DNASE2B: variants seen among roughly 807,000 people sequenced by gnomAD.
The protein encoded by DNASE2B is deoxyribonuclease-2-beta.
DNASE2B carries 43 observed loss-of-function variants against 46.0 expected under a neutral mutation model. That is an observed-to-expected ratio of 0.94 (90% CI 0.73 to 1.21). DNASE2B has a LOEUF of 1.21. DNASE2B is among the 50% of genes most tolerant of loss of function. The probability of loss-of-function intolerance (pLI) is 0.00; values close to 1 mark genes in which losing one functional copy is unlikely to be tolerated. For synonymous variants in DNASE2B, 156 were observed against 152.5 expected (o/e 1.02, Z -0.17); for missense variants, 395 against 414.4 (o/e 0.95, Z 0.41).
intron 3 of DNASE2B, among the ~76,000 whole-genome samples, chr1:84,409,795 T>C (rs1332553943): frequency 6.6e-6 from 1 of 152,212 alleles, no homozygotes; most frequent in African/African-American, 2.4e-5. Context: ...GGGGTTCTCT[T>C]GGCCAACAGA....
intron 2 of DNASE2B, among the ~76,000 whole-genome samples, chr1:84,404,549 G>T (rs1312610223): frequency 6.6e-6 from 1 of 152,122 alleles, no homozygotes; most frequent in Admixed American, 6.5e-5. Flanking sequence ...GAGTCTTAAA[G>T]GTTCTTATGA....
chr1:84,409,787 G>T (rs1680557368), intron 3 of DNASE2B, among the ~76,000 whole-genome samples: 1 of 152,126 alleles, frequency 6.6e-6, no homozygotes, highest in African/African-American at 2.4e-5. Flanking sequence ...CAAGTGGAGG[G>T]GTTCTCTTGG....
chr1:84,406,911 A>T (rs1030879164), intron 2 of DNASE2B, among the ~76,000 whole-genome samples: 1 of 152,230 alleles, frequency 6.6e-6, no homozygotes, highest in Non-Finnish European at 1.5e-5. Flanking sequence ...TTTACAAATA[A>T]GAATCTTCCG....
chr1:84,412,190 T>C (rs1680609756), intron 4 of DNASE2B, among the ~76,000 whole-genome samples, 159 bp from the exon 5 acceptor site: 1 of 152,238 alleles, frequency 6.6e-6, no homozygotes, highest in Non-Finnish European at 1.5e-5. Flanking sequence ...GTGTTAGTTA[T>C]TTAAACAAAA....
intron 2 of DNASE2B, among the ~76,000 whole-genome samples, chr1:84,408,033 T>C (rs557823282): frequency 1.1e-4 from 16 of 152,260 alleles, no homozygotes; most frequent in Admixed American, 5.9e-4. Flanking sequence ...GTGCCTATAA[T>C]ATCAATGGAA....
In DNASE2B at chr1:84,412,398, A is replaced by T. The variant is rs763309135; in HGVS notation, c.597A>T (p.Pro199=). 6.2e-7 allele frequency: 1 copy of T among 1,612,338 alleles called. No homozygotes were observed. The highest frequency in any genetic ancestry group is 2.2e-5 in the East Asian group (1 of 44,808). The change falls in exon 5 of 6, where the codon CCA becomes CCT. Residue 199 remains proline (P), a synonymous_variant. Coordinates refer to ENST00000370665, the MANE Select transcript of DNASE2B (RefSeq NM_021233.3). ...CCAACGTCTATAGCTGCTCCATCCC[A>T]GCCACCTTTCACCAGGAGCTCATTC... ...CNPNVYSCSI[P]ATFHQELIHM... is the part of the protein sequence containing the mutation.
intron 2 of DNASE2B, chr1:84,408,234 C>T (rs1680525464): frequency 1.4e-6 from 1 of 714,878 alleles, no homozygotes; most frequent in South Asian, 3.8e-5. Context: ...AAAAATCATG[C>T]ACAGTTAAAA....
At chr1:84,407,228 C>T (rs1680506505) in intron 2 of DNASE2B, among the ~76,000 whole-genome samples, 1 of 152,090 alleles carries the variant, frequency 6.6e-6, no homozygotes, top group Non-Finnish European at 1.5e-5. Context: ...AAATAAATTC[C>T]TCACTGGATC....
chr1:84,406,936 C>T (rs1469490478), intron 2 of DNASE2B, among the ~76,000 whole-genome samples: 4 of 152,192 alleles, frequency 2.6e-5, no homozygotes, highest in Non-Finnish European at 4.4e-5. Context: ...CCTTCATAAA[C>T]ATTTATCAAA....
intron 1 of DNASE2B, among the ~76,000 whole-genome samples, chr1:84,399,095 C>T (rs962982438): frequency 1.3e-5 from 2 of 152,208 alleles, no homozygotes; most frequent in Admixed American, 6.5e-5. Context: ...GGAGCATGTG[C>T]TGCTCCTTAT....
intron 1 of DNASE2B, among the ~76,000 whole-genome samples, 160 bp from the exon 2 acceptor site, chr1:84,401,741 G>T (rs544777058): frequency 6.6e-6 from 1 of 152,316 alleles, no homozygotes; most frequent in Admixed American, 6.5e-5. Context: ...GAGGAGCAAA[G>T]ATAAGAGTGA....
intron 2 of DNASE2B, among the ~76,000 whole-genome samples, chr1:84,403,822 C>T (rs972944082): frequency 6.6e-6 from 1 of 151,768 alleles, no homozygotes; most frequent in African/African-American, 2.4e-5. Context: ...GGATCTCATT[C>T]GACACCCAGG....
Position 84,411,016 on chromosome 1 carries a change from T to A in DNASE2B, c.547+17T>A. 1.3e-6 allele frequency: 2 copies of A among 1,546,840 alleles called. No individual in the cohort carries two copies. The highest frequency in any genetic ancestry group is 4.0e-5 in the Admixed American group (2 of 49,982). On this transcript the variant is annotated intron_variant, in intron 4 of 5. Transcript: ENST00000370665. Reference sequence around the variant, plus strand: ...AGGCAATAGGTAAAACTAAAGTATGTGAGAAAAAAAACGATAACTATGTTG... The same window carrying A: ...AGGCAATAGGTAAAACTAAAGTATGAGAGAAAAAAAACGATAACTATGTTG...
At chr1:84,406,240 A>G (rs507772) in intron 2 of DNASE2B, among the ~76,000 whole-genome samples, 80,618 of 151,930 alleles carry the variant, frequency 0.53, 21,427 homozygotes, top group East Asian at 0.61. Context: ...TGGGGACCAG[A>G]AGCATATCTA....
Position 84,414,686 on chromosome 1 carries a change from T to G in DNASE2B, c.904T>G (p.Tyr302Asp). 1 of 1,614,178 alleles carries G rather than the reference T, an allele frequency of 6.2e-7. No homozygotes were observed. The highest frequency in any genetic ancestry group is 8.5e-7 in the Non-Finnish European group (1 of 1,180,032). ...KLSRHSYFSS[Y>D]QDHAKWCISQ... ...ATCACGACACTCTTATTTCAGTTCTTATCAAGATCATGCCAAGTGGTGTAT... is the reference window on the plus strand; with the variant it reads ...ATCACGACACTCTTATTTCAGTTCTGATCAAGATCATGCCAAGTGGTGTAT... Residue 302 changes from tyrosine (Y) to aspartate (D), a missense_variant, in exon 6 of 6, where the codon TAT becomes GAT. Tyr to Asp is a radical substitution (Grantham distance 160). Transcript: ENST00000370665.
At position 84,409,103 on chromosome 1, in the gene DNASE2B, C is replaced by T. The variant is rs983972416; in HGVS notation, c.385+585C>T. On this transcript the variant is annotated intron_variant, in intron 3 of 5. Coordinates refer to ENST00000370665, the MANE Select transcript of DNASE2B (RefSeq NM_021233.3). ...ACTTTGCATATGTGTTTGTGAACTA[C>T]AGAAAAATTCAAAATACAGGTAAAC... 3.3e-5 allele frequency among the ~76,000 whole-genome samples: 5 copies of T among 151,974 alleles called. No homozygotes were observed. In the South Asian group the frequency reaches 1.0e-3, roughly 32 times the overall value.
At chr1:84,412,208 T>C in intron 4 of DNASE2B, 141 bp from the exon 5 acceptor site, 1 of 704,514 alleles carries the variant, frequency 1.4e-6, no homozygotes, top group Non-Finnish European at 2.1e-6. Flanking sequence ...AAAAGTTATT[T>C]GAAGGCTATT....
chr1:84,409,423 T>C (rs1304924291), intron 3 of DNASE2B, among the ~76,000 whole-genome samples: 3 of 152,158 alleles, frequency 2.0e-5, no homozygotes, highest in African/African-American at 7.2e-5. Context: ...AAATTAATAT[T>C]TGTGGAAAAA....
intron 2 of DNASE2B, among the ~76,000 whole-genome samples, chr1:84,404,188 A>G (rs1680464829): frequency 6.6e-6 from 1 of 152,000 alleles, no homozygotes; most frequent in Non-Finnish European, 1.5e-5. Flanking sequence ...CTTGCTCATC[A>G]TCTGGCTCTG....
Sources: gnomAD v4.1 joint callset for allele counts (sites outside exome capture counted in the v4.1 genomes callset) on GRCh38, gnomAD v4.1.1 for gene constraint, MANE v1.5 for transcripts, NCBI Gene and HGNC (gene_info 2026-07-23, HGNC 2026-07-21) for gene names.